Variants in SNTG1 observed in about 807,000 individuals in gnomAD.
The protein encoded by SNTG1 is syntrophin gamma 1.
In SNTG1, 39 loss-of-function variants were observed where a neutral mutation model predicts 74.7. That is an observed-to-expected ratio of 0.52 (90% CI 0.40 to 0.68). The LOEUF is 0.68. Ranked by LOEUF, SNTG1 falls within the 30% of genes least tolerant of loss-of-function variation. The pLI, the probability that SNTG1 is intolerant of heterozygous loss-of-function variation, is 0.00. For synonymous variants in SNTG1, 254 were observed against 217.1 expected (o/e 1.17, Z -1.49); for missense variants, 685 against 609.5 (o/e 1.12, Z -1.30).
rs146318172 is a variant in SNTG1, at chr8:50,624,088, T to G, written c.850-32821T>G. Among the ~76,000 whole-genome samples, 380 of 152,112 alleles carry G rather than the reference T, an allele frequency of 2.5e-3. 3 individuals carry two copies. The highest frequency in any genetic ancestry group is 0.01 in the Middle Eastern group (3 of 294). On this transcript the variant is annotated intron_variant, in intron 13 of 18. Transcript: ENST00000642720. ...TTGGTGGTATGGATTTCTAATAATT[T>G]CCTTAGAAATTCTCTAACAGTGGAA...
chr8:49,910,442 C>T (rs368874009), upstream of SNTG1, among the ~76,000 whole-genome samples: 27 of 152,302 alleles, frequency 1.8e-4, 1 homozygote, highest in East Asian at 4.8e-3. Flanking sequence ...TCGCTCTTTC[C>T]ATTTTCCCCT....
intron 8 of SNTG1, among the ~76,000 whole-genome samples, chr8:50,490,173 G>C (rs2093838330): frequency 6.6e-6 from 1 of 152,104 alleles, no homozygotes; most frequent in African/African-American, 2.4e-5. Context: ...GGTTACTGTA[G>C]CCTTGTACTA....
At chr8:50,385,170 G>A (rs1366866520) in intron 2 of SNTG1, among the ~76,000 whole-genome samples, 2 of 152,164 alleles carry the variant, frequency 1.3e-5, no homozygotes, top group Non-Finnish European at 2.9e-5. Flanking sequence ...AAGTGGTAGA[G>A]CGGCTTGCAC....
At chr8:50,567,913 T>C (rs2094525029) in intron 12 of SNTG1, among the ~76,000 whole-genome samples, 1 of 152,130 alleles carries the variant, frequency 6.6e-6, no homozygotes, top group African/African-American at 2.4e-5. Context: ...TTATTTGCTC[T>C]AGTCACCCTA....
At chr8:50,739,867 C>CCTGACAAACCTGACAAAAACA (rs1462956371) in intron 17 of SNTG1, among the ~76,000 whole-genome samples, 1 of 151,976 alleles carries the variant, frequency 6.6e-6, no homozygotes, top group Non-Finnish European at 1.5e-5. Context: ...CAAAAACAAT[C>CCTGACAAACCTGACAAAAACA]AGTGGGGTAA....
chr8:50,343,705 A>G (rs11778999), intron 2 of SNTG1, among the ~76,000 whole-genome samples: 192 of 152,326 alleles, frequency 1.3e-3, no homozygotes, highest in Middle Eastern at 3.4e-3. Context: ...TGATTAAATT[A>G]CATTTATGAT....
At chr8:50,767,390 CTGT>C (rs943791636) in intron 18 of SNTG1, among the ~76,000 whole-genome samples, 45 of 151,922 alleles carry the variant, frequency 3.0e-4, no homozygotes, top group African/African-American at 1.0e-3. Flanking sequence ...TATCTTTTTG[CTGT>C]TGTTGTTGTT....
intron 13 of SNTG1, among the ~76,000 whole-genome samples, chr8:50,630,072 T>G (rs1172936875): frequency 6.6e-6 from 1 of 152,202 alleles, no homozygotes; most frequent in Admixed American, 6.5e-5. Context: ...CTATTTTGCA[T>G]GTTGTTGGTA....
intron 17 of SNTG1, among the ~76,000 whole-genome samples, chr8:50,749,566 A>C (rs1047995508): frequency 7.9e-5 from 12 of 152,034 alleles, no homozygotes; most frequent in African/African-American, 1.9e-4. Context: ...TCTGGCTTCA[A>C]AACTTCAAAG....
rs191342253 is a variant in SNTG1, at chr8:50,159,442, T to C, written c.-102-13119T>C. Among the ~76,000 whole-genome samples, 269 of 152,304 alleles carry C rather than the reference T, an allele frequency of 1.8e-3. 8 individuals carry two copies. The highest frequency in any genetic ancestry group is 1.1e-3 in the Non-Finnish European group (74 of 68,022). On this transcript the variant is annotated intron_variant, in intron 1 of 18. Coordinates refer to ENST00000642720, the MANE Select transcript of SNTG1 (RefSeq NM_018967.5). ...ATTAGGCTTCTAAGCAAGTTACTCA[T>C]CATCCATCTGGTTTTAAACTTCCAA...
intron 2 of SNTG1, among the ~76,000 whole-genome samples, chr8:50,232,960 A>G (rs2085704803): frequency 6.6e-6 from 1 of 151,628 alleles, no homozygotes; most frequent in African/African-American, 2.4e-5. Flanking sequence ...CATGGATTAT[A>G]ACACTCAAAA....
At chr8:50,478,644 G>T (rs751533035) in intron 8 of SNTG1, among the ~76,000 whole-genome samples, 2 of 152,100 alleles carry the variant, frequency 1.3e-5, no homozygotes, top group Non-Finnish European at 2.9e-5. Context: ...GTAAAGTAGT[G>T]CATGTGTGTG....
rs1817561 is a variant in SNTG1 at position 49,938,557 on chromosome 8, G to T, written c.-103+26326G>T. On this transcript the variant is annotated intron_variant, in intron 1 of 18. Transcript: ENST00000642720. Reference sequence around the variant, plus strand: ...ATCTTACCATGCCTTCTTTTCTTTTGTTTTCTTTTCTTTTCTTTTCTTTTC... The same window carrying T: ...ATCTTACCATGCCTTCTTTTCTTTTTTTTTCTTTTCTTTTCTTTTCTTTTC... Among the ~76,000 whole-genome samples the T allele has an allele frequency of 7.9e-5, 10 of 127,228 alleles. 1 individual carries two copies. Among genetic ancestry groups the T allele is most frequent in the African/African-American group, 2.8e-4 (9 of 31,790 alleles). The allele number at this position is 127,228 out of a possible 152,430, so 83.5% of individuals were successfully genotyped here. A position where few individuals can be genotyped will look rare whatever the true frequency, so the allele number is the denominator to read the frequency against.
chr8:50,388,664 C>A (rs2092610891), intron 2 of SNTG1, among the ~76,000 whole-genome samples: 1 of 152,164 alleles, frequency 6.6e-6, no homozygotes, highest in South Asian at 2.1e-4. Flanking sequence ...CATGCAGAAG[C>A]TGATGATGCA....
chr8:50,772,495 A>T (rs1169163806), intron 18 of SNTG1, among the ~76,000 whole-genome samples: 1 of 152,154 alleles, frequency 6.6e-6, no homozygotes, highest in African/African-American at 2.4e-5. Flanking sequence ...GATTTCACAG[A>T]TTCATAACTA....
intron 13 of SNTG1, among the ~76,000 whole-genome samples, chr8:50,642,843 C>T (rs987795220): frequency 5.3e-5 from 8 of 151,958 alleles, no homozygotes; most frequent in Non-Finnish European, 1.0e-4. Flanking sequence ...CTCATGCTTC[C>T]AAAGTAGAAT....
chr8:50,148,978 A>C (rs2131521523), intron 1 of SNTG1, among the ~76,000 whole-genome samples: 1 of 152,284 alleles, frequency 6.6e-6, no homozygotes, highest in East Asian at 1.9e-4. Flanking sequence ...CGCCACACCA[A>C]CTTCCACAAT....
intron 1 of SNTG1, among the ~76,000 whole-genome samples, chr8:50,030,423 C>T (rs1165054495): frequency 1.3e-5 from 2 of 151,934 alleles, no homozygotes; most frequent in East Asian, 1.9e-4. Flanking sequence ...CTATACCTAG[C>T]TATAGGTCCC....
intron 2 of SNTG1, among the ~76,000 whole-genome samples, chr8:50,178,682 T>A (rs1045208696): frequency 6.6e-6 from 1 of 152,148 alleles, no homozygotes; most frequent in African/African-American, 2.4e-5. Flanking sequence ...ATCAGCTCTA[T>A]CAGCCTTCTT....
Sources: gnomAD v4.1 joint callset for allele counts (sites outside exome capture counted in the v4.1 genomes callset) on GRCh38, gnomAD v4.1.1 for gene constraint, MANE v1.5 for transcripts, NCBI Gene and HGNC (gene_info 2026-07-23, HGNC 2026-07-21) for gene names.